The following IQSEC1 variants were observed in gnomAD, a reference collection of about 807,000 sequenced individuals.
The protein encoded by IQSEC1 is IQ motif and Sec7 domain ArfGEF 1.
In IQSEC1, 31 loss-of-function variants were observed where a neutral mutation model predicts 91.0. The ratio of observed to expected loss-of-function variants is 0.34; its 90% confidence interval spans 0.26 to 0.46. IQSEC1 has a LOEUF of 0.46. Ranked by LOEUF, IQSEC1 falls within the 20% of genes least tolerant of loss-of-function variation. The pLI, the probability that IQSEC1 is intolerant of heterozygous loss-of-function variation, is 1.00. For synonymous variants in IQSEC1, 699 were observed against 662.6 expected (o/e 1.05, Z -0.84); for missense variants, 1,388 against 1,575.6 (o/e 0.88, Z 2.02).
At chr3:13,107,065 G>A (rs1262234798) in intron 2 of IQSEC1, among the ~76,000 whole-genome samples, 1 of 152,212 alleles carries the variant, frequency 6.6e-6, no homozygotes, top group Non-Finnish European at 1.5e-5. Flanking sequence ...CCACAAAGCT[G>A]GCAGAACCCT....
chr3:12,990,469 G>A (rs996490051), intron 1 of IQSEC1, among the ~76,000 whole-genome samples: 2 of 152,310 alleles, frequency 1.3e-5, no homozygotes, highest in South Asian at 4.2e-4. Flanking sequence ...AATTGTGTAA[G>A]CACAACTGGA....
chr3:13,252,782 G>A (rs1007369906), intron 1 of IQSEC1, among the ~76,000 whole-genome samples: 2 of 151,860 alleles, frequency 1.3e-5, no homozygotes, highest in South Asian at 2.1e-4. Flanking sequence ...ACCCAGGCTG[G>A]AGTAGAGTGG....
At chr3:13,053,012 G>C (rs551205976) in intron 1 of IQSEC1, 1 of 1,192,636 alleles carries the variant, frequency 8.4e-7, no homozygotes, top group African/African-American at 1.5e-5. Context: ...TTTTGGAGTT[G>C]TGCCTGATTT....
At chr3:13,216,875 G>A (rs9990102) in intron 1 of IQSEC1, among the ~76,000 whole-genome samples, 1 of 152,026 alleles carries the variant, frequency 6.6e-6, no homozygotes, top group African/African-American at 2.4e-5. Context: ...ACATATGGAC[G>A]CTTTCTCCCG....
intron 1 of IQSEC1, among the ~76,000 whole-genome samples, chr3:13,224,450 T>C (rs1576301064): frequency 1.3e-5 from 2 of 151,780 alleles, no homozygotes; most frequent in Non-Finnish European, 1.5e-5. Flanking sequence ...CTGTCCAGGG[T>C]GCAATGGGAG....
intron 1 of IQSEC1, among the ~76,000 whole-genome samples, chr3:13,023,877 C>T (rs1330184161): frequency 6.6e-6 from 1 of 152,236 alleles, no homozygotes; most frequent in African/African-American, 2.4e-5. Context: ...AGGGGCTCCT[C>T]CACAGCATGC....
chr3:13,093,450 C>T (rs181308224), intron 2 of IQSEC1, among the ~76,000 whole-genome samples: 127 of 152,252 alleles, frequency 8.3e-4, no homozygotes, highest in Middle Eastern at 3.4e-3. Flanking sequence ...GCTTCCTCCA[C>T]AGGAGGAGCT....
chr3:13,010,177 C>T (rs868559816), intron 1 of IQSEC1, among the ~76,000 whole-genome samples: 6 of 152,172 alleles, frequency 3.9e-5, no homozygotes, highest in African/African-American at 1.2e-4. Context: ...GTCATAGTGG[C>T]GGAATGACCA....
chr3:13,066,018 TC>T (rs1275353359), intron 1 of IQSEC1, among the ~76,000 whole-genome samples: 2 of 152,092 alleles, frequency 1.3e-5, no homozygotes, highest in Non-Finnish European at 2.9e-5. Context: ...TCACATGACA[TC>T]CCCAGGGCAG....
At chr3:13,096,010 C>A (rs1238183530) in intron 2 of IQSEC1, among the ~76,000 whole-genome samples, 2 of 152,212 alleles carry the variant, frequency 1.3e-5, no homozygotes, top group Non-Finnish European at 2.9e-5. Flanking sequence ...TGGCTTCAAT[C>A]CTGGCTCCTG....
chr3:12,923,402 G>A (rs1223449452), intron 4 of IQSEC1, among the ~76,000 whole-genome samples: 3 of 152,158 alleles, frequency 2.0e-5, no homozygotes, highest in Non-Finnish European at 4.4e-5. Context: ...AGAGGGGAGG[G>A]GGCAGTAGCC....
At position 13,069,998 on chromosome 3, in the gene IQSEC1, G is replaced by A. The variant is rs138719493; in HGVS notation, c.23+2994C>T. ...CTTCACGATGGACTGAGCCCTGACC[G>A]GGACAGAGTCTCGATTCCATAAAGC... On this transcript the variant is annotated intron_variant, in intron 1 of 13. Coordinates refer to ENST00000613206, the MANE Select transcript of IQSEC1 (RefSeq NM_001134382.3). Among the ~76,000 whole-genome samples, 362 of 152,160 alleles carry A rather than the reference G, an allele frequency of 2.4e-3. 2 individuals are homozygous for A. The highest frequency in any genetic ancestry group is 5.9e-3 in the African/African-American group (243 of 41,508).
At chr3:13,247,449 C>T (rs1695126929) in intron 1 of IQSEC1, among the ~76,000 whole-genome samples, 1 of 152,216 alleles carries the variant, frequency 6.6e-6, no homozygotes. Flanking sequence ...GCCTCACCTC[C>T]CTCATCGCCC....
At chr3:13,213,115 C>T (rs1050343936) in intron 1 of IQSEC1, among the ~76,000 whole-genome samples, 12 of 152,182 alleles carry the variant, frequency 7.9e-5, no homozygotes, top group African/African-American at 2.4e-4. Context: ...GTCTAAGAAT[C>T]CTTTGCCAAA....
chr3:13,218,979 C>G (rs145149449), intron 1 of IQSEC1, among the ~76,000 whole-genome samples: 2 of 152,194 alleles, frequency 1.3e-5, no homozygotes, highest in Admixed American at 1.3e-4. Context: ...GTCAGCTGCA[C>G]GTGCACCCAA....
At chr3:12,963,018 C>T (rs952441963) in intron 1 of IQSEC1, among the ~76,000 whole-genome samples, 6 of 152,230 alleles carry the variant, frequency 3.9e-5, no homozygotes, top group Admixed American at 1.3e-4. Flanking sequence ...GAAGCAGAGC[C>T]TGGCCATGAA....
At chr3:13,196,321 T>C (rs919971124) in intron 1 of IQSEC1, among the ~76,000 whole-genome samples, 1 of 152,194 alleles carries the variant, frequency 6.6e-6, no homozygotes, top group African/African-American at 2.4e-5. Context: ...TTCTTCCAGC[T>C]GGTGCCGCAG....
intron 1 of IQSEC1, among the ~76,000 whole-genome samples, chr3:13,216,497 C>T (rs1694554052): frequency 6.6e-6 from 1 of 152,210 alleles, no homozygotes; most frequent in Admixed American, 6.5e-5. Flanking sequence ...ACGAGCTGTC[C>T]ACTCCCTGGA....
chr3:13,239,872 G>A (rs1430708508), intron 1 of IQSEC1, among the ~76,000 whole-genome samples: 1 of 152,228 alleles, frequency 6.6e-6, no homozygotes, highest in African/African-American at 2.4e-5. Context: ...CCGAGGGGCT[G>A]CGGGTGGGGA....
Sources: allele counts gnomAD v4.1 joint callset (sites outside exome capture counted in the v4.1 genomes callset), GRCh38; gene constraint gnomAD v4.1.1; transcripts MANE v1.5; gene names NCBI Gene and HGNC (gene_info 2026-07-23, HGNC 2026-07-21).